Variants in PCDHA5 observed in about 807,000 individuals in gnomAD.
PCDHA5 encodes protocadherin alpha-5.
Under a neutral mutation model 61.6 loss-of-function variants are expected in PCDHA5, and 43 were observed. The ratio of observed to expected loss-of-function variants is 0.70; its 90% CI spans 0.55 to 0.90. The LOEUF is 0.90. Ranked by LOEUF, PCDHA5 falls within the 40% of genes least tolerant of loss-of-function variation. The pLI, the probability that PCDHA5 is intolerant of heterozygous loss-of-function variation, is 0.00. For synonymous variants in PCDHA5, 627 were observed against 543.9 expected (o/e 1.15, Z -2.13); for missense variants, 1,298 against 1,222.7 (o/e 1.06, Z -0.92).
At chr5:140,922,139 C>A (rs2080663133) in intron 1 of PCDHA5, among the ~76,000 whole-genome samples, 1 of 151,854 alleles carries the variant, frequency 6.6e-6, no homozygotes, top group Non-Finnish European at 1.5e-5. Flanking sequence ...TCTTATCCTC[C>A]ATGAAACTCA....
intron 3 of PCDHA5, among the ~76,000 whole-genome samples, chr5:140,991,302 T>C (rs2097443703): frequency 6.6e-6 from 1 of 152,204 alleles, no homozygotes; most frequent in African/African-American, 2.4e-5. Flanking sequence ...ATTACTATTA[T>C]CTTGTCCCGC....
At chr5:140,877,172 C>A (rs371577720) in intron 1 of PCDHA5, 1 of 1,613,818 alleles carries the variant, frequency 6.2e-7, no homozygotes. Flanking sequence ...GCACTGCTGG[C>A]GACTCCGGCT....
rs2150292750 is a variant in PCDHA5, at chr5:140,838,829, G to C, written c.2352+14702G>C. ...TTCAGCTACTCAAGAAACTGAGGTG[G>C]GAGGATCACTTAAGCCAGGGAGGTC... On this transcript the variant is annotated intron_variant, in intron 1 of 3. Coordinates refer to ENST00000529859, the MANE Select transcript of PCDHA5 (RefSeq NM_018908.3). Among the ~76,000 whole-genome samples, 185 of 151,952 alleles carry C rather than the reference G, an allele frequency of 1.2e-3. 4 individuals carry two copies. Among genetic ancestry groups the C allele is most frequent in the African/African-American group, 4.4e-3 (182 of 41,404 alleles).
intron 1 of PCDHA5, chr5:140,868,367 A>G (rs1172492575): frequency 6.6e-6 from 1 of 152,208 alleles, no homozygotes; most frequent in East Asian, 1.9e-4. Flanking sequence ...AAATGTAAAT[A>G]ACAGTAAAGA....
At chr5:140,883,628 G>A (rs903824034) in intron 1 of PCDHA5, 1 of 1,613,884 alleles carries the variant, frequency 6.2e-7, no homozygotes, top group Admixed American at 1.7e-5. Context: ...CAACGCGCCG[G>A]CGTTCGCGCA....
rs781915766 is a variant in PCDHA5, at chr5:140,869,999, G to C, written c.2352+45872G>C. Reference sequence around the variant, plus strand: ...TTATTTACACTAGATCAAAATAATGGAGAAGTGAGGGTCAATGGAACTTTA... The same window carrying C: ...TTATTTACACTAGATCAAAATAATGCAGAAGTGAGGGTCAATGGAACTTTA... On this transcript the variant is annotated intron_variant, in intron 1 of 3. Coordinates refer to ENST00000529859, the MANE Select transcript of PCDHA5 (RefSeq NM_018908.3). The C allele has an allele frequency of 3.7e-6, 6 of 1,613,396 alleles. No individual in the cohort carries two copies. In the South Asian group the frequency reaches 6.6e-5, roughly 18 times the overall value.
intron 1 of PCDHA5, among the ~76,000 whole-genome samples, chr5:140,833,457 A>G (rs1304968349): frequency 2.0e-5 from 3 of 152,216 alleles, no homozygotes; most frequent in East Asian, 3.8e-4. Context: ...AATAAAATAA[A>G]CTTACATTTT....
chr5:140,968,866 A>C, intron 1 of PCDHA5: 1 of 1,614,230 alleles, frequency 6.2e-7, no homozygotes, highest in Non-Finnish European at 8.5e-7. Context: ...GCCCTCGGAC[A>C]TACTCTGAAA....
At chr5:140,829,695 T>C in intron 1 of PCDHA5, 1 of 1,613,284 alleles carries the variant, frequency 6.2e-7, no homozygotes, top group Non-Finnish European at 8.5e-7. Context: ...CAGTTTCAGG[T>C]GAGCGCGCGC....
intron 1 of PCDHA5, chr5:140,875,396 T>TA (rs1256359492): frequency 1.4e-6 from 2 of 1,478,102 alleles, no homozygotes; most frequent in African/African-American, 2.8e-5. Flanking sequence ...CAGAAAAGGG[T>TA]GACTGCTCAT....
In PCDHA5 at chr5:140,858,841, A is replaced by G. The variant is rs1390112804; in HGVS notation, c.2352+34714A>G. The G allele has an allele frequency of 1.6e-5, 5 of 314,504 alleles. No homozygotes were observed. The East Asian group carries it at 3.7e-4, about 23-fold the overall frequency. 19.5% of individuals were successfully genotyped at this position (314,504 alleles called of 1,614,324 possible). A position where few individuals can be genotyped will look rare whatever the true frequency, so the allele number is the denominator to read the frequency against. ...TGTATTTGCATTACCAAAAAATTCC[A>G]CTGATCTATATCTCTTCAGTGAAAA... On this transcript the variant is annotated intron_variant, in intron 1 of 3. Coordinates refer to ENST00000529859, the MANE Select transcript of PCDHA5 (RefSeq NM_018908.3).
In PCDHA5 at chr5:140,900,436, G is replaced by C. The variant is rs553121120; in HGVS notation, c.2352+76309G>C. 8.5e-5 allele frequency among the ~76,000 whole-genome samples: 13 copies of C among 152,126 alleles called. No individual in the cohort carries two copies. The East Asian group carries it at 2.5e-3, about 30-fold the overall frequency. ...GGGATTATAGGCACGTGCCACCACG[G>C]CCGGCTAATTTTTTATTTTTAGTAG... On this transcript the variant is annotated intron_variant, in intron 1 of 3. Transcript: ENST00000529859.
chr5:140,857,611 G>C, intron 1 of PCDHA5: 2 of 1,596,436 alleles, frequency 1.3e-6, no homozygotes, highest in Non-Finnish European at 1.7e-6. Flanking sequence ...CGCTGCAGCC[G>C]CTGGACCACG....
intron 3 of PCDHA5, among the ~76,000 whole-genome samples, chr5:141,003,650 A>G (rs2098132767): frequency 6.6e-6 from 1 of 152,170 alleles, no homozygotes; most frequent in Admixed American, 6.5e-5. Flanking sequence ...GAAGATCTGT[A>G]TGCATTTATT....
chr5:140,972,832 T>G (rs1209140344), intron 1 of PCDHA5, among the ~76,000 whole-genome samples: 9 of 151,882 alleles, frequency 5.9e-5, no homozygotes. Flanking sequence ...CCTGGCTAAT[T>G]TTTGTATTTT....
At chr5:140,824,388 G>A in intron 1 of PCDHA5, 1 of 557,068 alleles carries the variant, frequency 1.8e-6, no homozygotes. Context: ...CTCTAAAAAT[G>A]TAGGATAATA....
chr5:141,010,373 G>A lies in PCDHA5; in HGVS notation c.*436G>A, dbSNP rs1554262916. 6.8e-7 allele frequency: 1 copy of A among 1,463,988 alleles called. No homozygotes were observed. Among genetic ancestry groups the A allele is most frequent in the Admixed American group, 2.4e-5 (1 of 41,618 alleles). The allele number at this position is 1,463,988 out of a possible 1,614,324, so 90.7% of individuals were successfully genotyped here. ...GTGTGGCTACCGCGGGTATGCGAGT[G>A]CCAGATATTGGCTGAGACGAGCCAG... On this transcript the variant is annotated 3_prime_UTR_variant, in exon 4 of 4. Coordinates refer to ENST00000529859, the MANE Select transcript of PCDHA5 (RefSeq NM_018908.3).
rs1004548473 is a variant in PCDHA5 at position 141,011,507 on chromosome 5, G to T, written c.*1570G>T. Reference sequence around the variant, plus strand: ...CCTTTTGTACACCTGTGAAAAAGTGGAGTAGTGTTTTTTTAACCATTGTTA... The same window carrying T: ...CCTTTTGTACACCTGTGAAAAAGTGTAGTAGTGTTTTTTTAACCATTGTTA... On this transcript the variant is annotated 3_prime_UTR_variant, in exon 4 of 4. Transcript: ENST00000529859. 5.2e-5 allele frequency: 8 copies of T among 153,740 alleles called. No individual in the cohort carries two copies. The highest frequency in any genetic ancestry group is 1.9e-4 in the African/African-American group (8 of 41,440). The allele number at this position is 153,740 out of a possible 1,614,324, so 9.5% of individuals were successfully genotyped here. A position where few individuals can be genotyped will look rare whatever the true frequency, so the allele number is the denominator to read the frequency against.
At chr5:140,883,758 G>C (rs781858673) in intron 1 of PCDHA5, 4 of 1,612,920 alleles carry the variant, frequency 2.5e-6, no homozygotes, top group Non-Finnish European at 3.4e-6. Context: ...CTGGTGGAGC[G>C]GCGGGTGGGC....
Sources: allele counts gnomAD v4.1 joint callset (sites outside exome capture counted in the v4.1 genomes callset), GRCh38; gene constraint gnomAD v4.1.1; transcripts MANE v1.5; gene names NCBI Gene and HGNC (gene_info 2026-07-23, HGNC 2026-07-21).